GLP1R: variants seen among roughly 807,000 people sequenced by gnomAD.
GLP1R encodes the protein glucagon like peptide 1 receptor, also known as glucagon-like peptide 1 receptor.
GLP1R carries 32 observed loss-of-function variants against 68.4 expected under a neutral mutation model. The observed-to-expected ratio is 0.47, with a 90% CI of 0.35 to 0.63. The LOEUF (loss-of-function observed/expected upper bound fraction) is 0.63. GLP1R is among the 20% of genes least tolerant of loss of function. GLP1R has a pLI of 0.00. For synonymous variants in GLP1R, 263 were observed against 244.4 expected (o/e 1.08, Z -0.71); for missense variants, 502 against 594.9 (o/e 0.84, Z 1.62).
intron 3 of GLP1R, among the ~76,000 whole-genome samples, chr6:39,059,433 A>G (rs116975536): frequency 2.0e-5 from 3 of 152,176 alleles, no homozygotes; most frequent in African/African-American, 7.2e-5. Flanking sequence ...GCCTGGAGAC[A>G]GGTGAGTGAT....
chr6:39,064,213 C>A (rs2003132), intron 3 of GLP1R, among the ~76,000 whole-genome samples: 53,903 of 151,718 alleles, frequency 0.36, 10,004 homozygotes, highest in East Asian at 0.48. Flanking sequence ...CCATGTTGCC[C>A]AGGCTGGTCT....
Position 39,079,463 on chromosome 6 carries a change from C to G in GLP1R, c.1044-101C>G. ...TTGGGGTGGGAGAACATCCATGACC[C>G]AGATATCAGGACTTGGTAGGAAGTG... On this transcript the variant is annotated intron_variant, in intron 10 of 12. Transcript: ENST00000373256. The surrounding 1 kb of genome is among the most constrained non-coding windows in gnomAD (Gnocchi z 4.5). 3 of 1,216,670 alleles carry G rather than the reference C, an allele frequency of 2.5e-6. No homozygotes were observed. The highest frequency in any genetic ancestry group is 1.5e-5 in the South Asian group (1 of 67,046). 75.4% of individuals were successfully genotyped at this position (1,216,670 alleles called of 1,614,324 possible).
intron 12 of GLP1R, among the ~76,000 whole-genome samples, chr6:39,082,062 G>A (rs937641436): frequency 6.6e-6 from 1 of 152,184 alleles, no homozygotes; most frequent in Admixed American, 6.6e-5. Context: ...CCCAGAGACA[G>A]GGGCCTAAGG....
intron 7 of GLP1R, among the ~76,000 whole-genome samples, chr6:39,075,808 G>A (rs1768803578): frequency 6.6e-6 from 1 of 152,212 alleles, no homozygotes; most frequent in Admixed American, 6.5e-5. Context: ...CAAAGGGCAT[G>A]GCAGCTTCTG....
intron 3 of GLP1R, among the ~76,000 whole-genome samples, chr6:39,062,865 A>G (rs1768385049): frequency 6.6e-6 from 1 of 152,208 alleles, no homozygotes; most frequent in Non-Finnish European, 1.5e-5. Context: ...CTACCTTGAA[A>G]GGTGGTTCTA....
intron 8 of GLP1R, 24 bp from the exon 9 acceptor site, chr6:39,078,933 G>C (rs972136134): frequency 6.3e-7 from 1 of 1,593,902 alleles, no homozygotes; most frequent in South Asian, 1.1e-5. Context: ...CTGGATGCAT[G>C]TGTGCATCTC....
chr6:39,065,618 T>A, intron 3 of GLP1R, 93 bp from the exon 4 acceptor site: 1 of 712,316 alleles, frequency 1.4e-6, no homozygotes, highest in South Asian at 1.8e-5. Flanking sequence ...GGAGCAGGGA[T>A]AGCCCTCAGA....
intron 3 of GLP1R, among the ~76,000 whole-genome samples, chr6:39,057,899 C>T (rs1768257610): frequency 6.6e-6 from 1 of 152,178 alleles, no homozygotes; most frequent in African/African-American, 2.4e-5. Flanking sequence ...TGAGCTCCCT[C>T]CCCCACCGTC....
intron 8 of GLP1R, 24 bp downstream of exon 8, chr6:39,078,406 C>G (rs749093212): frequency 6.4e-7 from 1 of 1,559,904 alleles, no homozygotes; most frequent in Non-Finnish European, 8.8e-7. Flanking sequence ...TCCAAGGGGG[C>G]GGGTGTGCCC....
At position 39,073,935 on chromosome 6, in the gene GLP1R, G is replaced by A. The variant is rs113328182; in HGVS notation, c.823+166G>A. Among the ~76,000 whole-genome samples, 253 of 152,242 alleles carry A rather than the reference G, an allele frequency of 1.7e-3. 1 individual carries two copies. Among genetic ancestry groups the A allele is most frequent in the African/African-American group, 5.8e-3 (241 of 41,540 alleles). On this transcript the variant is annotated intron_variant, in intron 7 of 12. Transcript: ENST00000373256. ...TCTGCCCCGGTGCTGTTAAGATGCCGTAGGGGGTTATGGTCCTCCCCTCCT... is the reference window on the plus strand; with the variant it reads ...TCTGCCCCGGTGCTGTTAAGATGCCATAGGGGGTTATGGTCCTCCCCTCCT...
At chr6:39,078,249 A>C in intron 7 of GLP1R, 73 bp from the exon 8 acceptor site, 11 of 1,042,126 alleles carry the variant, frequency 1.1e-5, no homozygotes, top group Non-Finnish European at 1.7e-5. Context: ...TGGGGCAGGG[A>C]GAGGCCTCGG....
intron 3 of GLP1R, 65 bp from the exon 4 acceptor site, chr6:39,065,646 C>A: frequency 1.1e-6 from 1 of 935,344 alleles, no homozygotes; most frequent in Non-Finnish European, 1.7e-6. Context: ...GGAAGGGGAG[C>A]ATCTAGCACT....
At chr6:39,069,880 A>G (rs888812837) in intron 5 of GLP1R, among the ~76,000 whole-genome samples, 3 of 152,152 alleles carry the variant, frequency 2.0e-5, no homozygotes, top group Non-Finnish European at 2.9e-5. Flanking sequence ...TAATTTTTGA[A>G]AAATAGAAAT....
intron 5 of GLP1R, among the ~76,000 whole-genome samples, 190 bp from the exon 6 acceptor site, chr6:39,072,672 G>T (rs1466245119): frequency 6.6e-6 from 1 of 152,228 alleles, no homozygotes; most frequent in Non-Finnish European, 1.5e-5. Context: ...AGCCTTCATG[G>T]AGAGGCAGGA....
intron 7 of GLP1R, 63 bp from the exon 8 acceptor site, chr6:39,078,259 G>T: frequency 8.5e-7 from 1 of 1,182,970 alleles, no homozygotes; most frequent in Non-Finnish European, 1.3e-6. Flanking sequence ...AGAGGCCTCG[G>T]CATGTAGACT....
At chr6:39,076,097 C>T (rs1393483758) in intron 7 of GLP1R, among the ~76,000 whole-genome samples, 1 of 152,184 alleles carries the variant, frequency 6.6e-6, no homozygotes, top group Admixed American at 6.5e-5. Context: ...CTTGCCAGGT[C>T]TGGCTGATAA....
At chr6:39,075,255 C>T (rs1257653657) in intron 7 of GLP1R, among the ~76,000 whole-genome samples, 2 of 152,230 alleles carry the variant, frequency 1.3e-5, no homozygotes, top group Non-Finnish European at 2.9e-5. Flanking sequence ...CTTCCTTGGC[C>T]TTTTCTCCCC....
At chr6:39,075,828 C>T (rs1202704648) in intron 7 of GLP1R, among the ~76,000 whole-genome samples, 1 of 152,208 alleles carries the variant, frequency 6.6e-6, no homozygotes, top group Non-Finnish European at 1.5e-5. Context: ...GCTGCAGTCC[C>T]CAGGCAGTTG....
chr6:39,091,290 C>T lies in GLP1R; in HGVS notation c.*5217C>T, dbSNP rs533992085. Among the ~76,000 whole-genome samples the T allele has an allele frequency of 6.6e-6, 1 of 152,346 alleles. No individual in the cohort carries two copies. Among genetic ancestry groups the T allele is most frequent in the African/African-American group, 2.4e-5 (1 of 41,570 alleles). ...TTTGCCTTGTAAGCCAAATAAAAGT[C>T]TGTCTCTACTGTCTCTCTTGCTCTT... is the stretch of plus-strand genomic sequence containing the variant. On this transcript the variant is annotated 3_prime_UTR_variant, in exon 13 of 13. Coordinates refer to ENST00000373256, the MANE Select transcript of GLP1R (RefSeq NM_002062.5).
Sources: allele counts gnomAD v4.1 joint callset (sites outside exome capture counted in the v4.1 genomes callset), GRCh38; gene constraint gnomAD v4.1.1; non-coding constraint Gnocchi (gnomAD v3.1); transcripts MANE v1.5; gene names NCBI Gene and HGNC (gene_info 2026-07-23, HGNC 2026-07-21).